The following SYN2 variants were observed in gnomAD, a reference collection of about 807,000 sequenced individuals.
The protein encoded by SYN2 is synapsin II, also known as synapsin-2.
A neutral mutation model predicts 50.9 loss-of-function variants in SYN2; 19 were observed. That is an observed-to-expected ratio of 0.37 (90% CI 0.26 to 0.55). The LOEUF (loss-of-function observed/expected upper bound fraction) is 0.55, where lower values mean the gene tolerates loss of function less well. SYN2 is among the 20% of genes least tolerant of loss of function. SYN2 has a pLI of 0.81. For missense variants in SYN2, 587 were observed against 576.4 expected (o/e 1.02, Z -0.19); for synonymous variants, 255 against 224.9 (o/e 1.13, Z -1.20).
chr3:12,147,614 C>G (rs1161262426), intron 4 of SYN2, among the ~76,000 whole-genome samples: 3 of 152,292 alleles, frequency 2.0e-5, no homozygotes, highest in Middle Eastern at 3.4e-3. Flanking sequence ...CACGTGCACC[C>G]CCGGTACTTG....
At chr3:12,084,761 A>G (rs1180374910) in intron 1 of SYN2, among the ~76,000 whole-genome samples, 1 of 152,214 alleles carries the variant, frequency 6.6e-6, no homozygotes, top group Non-Finnish European at 1.5e-5. Flanking sequence ...AACACATAAA[A>G]TGGAAGAAGG....
At chr3:12,134,304 G>A (rs1037956840) in intron 1 of SYN2, among the ~76,000 whole-genome samples, 1 of 152,172 alleles carries the variant, frequency 6.6e-6, no homozygotes, top group Non-Finnish European at 1.5e-5. Context: ...GTGAAAAGTT[G>A]TAAAAAATCA....
chr3:12,142,026 G>T (rs1370182847), intron 3 of SYN2, 30 bp downstream of exon 3: 1 of 779,952 alleles, frequency 1.3e-6, no homozygotes, highest in Non-Finnish European at 2.4e-6. Context: ...CAGGATCATT[G>T]TGACTGTCTC....
chr3:12,004,893 G>A lies in SYN2; in HGVS notation c.342G>A (p.Lys114=), dbSNP rs1693760544. 3 of 583,194 alleles carry A rather than the reference G, an allele frequency of 5.1e-6. No individual in the cohort carries two copies. Among genetic ancestry groups the A allele is most frequent in the East Asian group, 3.4e-5 (1 of 29,064 alleles). The allele number at this position is 583,194 out of a possible 1,614,324, so 36.1% of individuals were successfully genotyped here. A position where few individuals can be genotyped will look rare whatever the true frequency, so the allele number is the denominator to read the frequency against. ...APAPAAARKA[K]VLLVVDEPHA... is the part of the protein sequence containing the mutation. ...CGCCCGCAGCCGCCAGGAAGGCCAA[G>A]GTGCTGCTGGTGGTCGACGAGCCGC... Residue 114 remains lysine (K), a synonymous_variant, in exon 1 of 13, where the codon AAG becomes AAA. Coordinates refer to ENST00000621198, the MANE Select transcript of SYN2 (RefSeq NM_133625.6).
chr3:12,179,787 A>G (rs1698181714), intron 10 of SYN2, among the ~76,000 whole-genome samples: 1 of 152,164 alleles, frequency 6.6e-6, no homozygotes, highest in Non-Finnish European at 1.5e-5. Flanking sequence ...GTGCTCTCTC[A>G]TGAGGCTTGA....
intron 7 of SYN2, among the ~76,000 whole-genome samples, chr3:12,166,686 A>G (rs1331958259): frequency 1.3e-5 from 2 of 152,240 alleles, no homozygotes; most frequent in Non-Finnish European, 2.9e-5. Context: ...GAAGTTAATA[A>G]TGAATGAGTG....
intron 1 of SYN2, among the ~76,000 whole-genome samples, chr3:12,108,844 G>GTT (rs59521769): frequency 0.091 from 13,057 of 143,008 alleles, 818 homozygotes; most frequent in African/African-American, 0.17. Context: ...TTAGGAGCCA[G>GTT]TTTTTTTTTT....
chr3:12,071,961 G>GT (rs1034214804), intron 1 of SYN2, among the ~76,000 whole-genome samples: 36 of 152,094 alleles, frequency 2.4e-4, no homozygotes, highest in African/African-American at 7.7e-4. Flanking sequence ...TTTATGTAAG[G>GT]TTTTTTTGTA....
chr3:12,042,999 C>A (rs1694652898), intron 1 of SYN2, among the ~76,000 whole-genome samples: 2 of 151,882 alleles, frequency 1.3e-5, no homozygotes, highest in African/African-American at 4.8e-5. Context: ...AATCCCCCCA[C>A]ACCTTTTTTT....
At chr3:12,121,678 G>C (rs1005685301) in intron 1 of SYN2, among the ~76,000 whole-genome samples, 3 of 145,282 alleles carry the variant, frequency 2.1e-5, no homozygotes, top group Non-Finnish European at 3.0e-5. Flanking sequence ...AAGGGAAGGA[G>C]AAAGGAAGGG....
chr3:12,083,320 T>G (rs1459682226), intron 1 of SYN2, among the ~76,000 whole-genome samples: 1 of 152,226 alleles, frequency 6.6e-6, no homozygotes, highest in African/African-American at 2.4e-5. Flanking sequence ...CCTGTTGTTT[T>G]TAATTAGATC....
chr3:12,154,382 G>A (rs534498761), intron 5 of SYN2: 2 of 1,614,194 alleles, frequency 1.2e-6, no homozygotes, highest in African/African-American at 1.3e-5. Flanking sequence ...CTGCACCAAG[G>A]ACAGGTCCTC....
rs145977978 is a variant in SYN2 at position 12,060,426 on chromosome 3, C to A, written c.377+55498C>A. On this transcript the variant is annotated intron_variant, in intron 1 of 12. Coordinates refer to ENST00000621198, the MANE Select transcript of SYN2 (RefSeq NM_133625.6). ...GAGAAGGGCATTTCTCTGACTCCAG[C>A]CCCCTCTAGTTTTACTATCTCACCT... Among the ~76,000 whole-genome samples the A allele has an allele frequency of 2.8e-3, 428 of 152,258 alleles. 2 individuals are homozygous for A. Among genetic ancestry groups the A allele is most frequent in the African/African-American group, 9.9e-3 (410 of 41,552 alleles).
At chr3:12,115,024 T>C (rs1311752437) in intron 1 of SYN2, among the ~76,000 whole-genome samples, 2 of 152,200 alleles carry the variant, frequency 1.3e-5, no homozygotes, top group Admixed American at 6.6e-5. Flanking sequence ...CTGTTTCTGT[T>C]AGATAAATGC....
chr3:12,048,739 C>T (rs2125153312), intron 1 of SYN2, among the ~76,000 whole-genome samples: 1 of 152,210 alleles, frequency 6.6e-6, no homozygotes, highest in East Asian at 1.9e-4. Context: ...TATATTTCCC[C>T]CACTTAAAAA....
intron 11 of SYN2, 143 bp from the exon 12 acceptor site, chr3:12,187,226 T>C: frequency 1.6e-6 from 2 of 1,216,086 alleles, no homozygotes; most frequent in Non-Finnish European, 2.2e-6. Context: ...GGACCCCCTT[T>C]AGGGCCCTTC....
At chr3:12,089,672 C>T (rs762774429) in intron 1 of SYN2, among the ~76,000 whole-genome samples, 1 of 152,046 alleles carries the variant, frequency 6.6e-6, no homozygotes, top group Non-Finnish European at 1.5e-5. Context: ...AGAAAAGAAT[C>T]TAGCAGGAAT....
intron 10 of SYN2, among the ~76,000 whole-genome samples, chr3:12,178,103 C>T (rs987306759): frequency 1.3e-5 from 2 of 152,258 alleles, no homozygotes; most frequent in Non-Finnish European, 2.9e-5. Context: ...TGACCACATT[C>T]TTTCCCGCTG....
intron 1 of SYN2, among the ~76,000 whole-genome samples, chr3:12,095,301 T>C (rs945756561): frequency 1.6e-4 from 24 of 150,314 alleles, no homozygotes; most frequent in African/African-American, 5.9e-4. Flanking sequence ...TCCTAGCACA[T>C]TGGGAGGCCG....
Sources: allele counts gnomAD v4.1 joint callset (sites outside exome capture counted in the v4.1 genomes callset), GRCh38; gene constraint gnomAD v4.1.1; transcripts MANE v1.5; gene names NCBI Gene and HGNC (gene_info 2026-07-23, HGNC 2026-07-21).